PPP2R2D: variants seen among roughly 807,000 people sequenced by gnomAD.
PPP2R2D encodes serine/threonine-protein phosphatase 2A 55 kDa regulatory subunit B delta isoform.
In PPP2R2D, 9 loss-of-function variants were observed where a neutral mutation model predicts 31.1. The observed-to-expected ratio is 0.29, with a 90% confidence interval of 0.17 to 0.51. The LOEUF (loss-of-function observed/expected upper bound fraction) is 0.51, where lower values mean the gene tolerates loss of function less well. Ranked by LOEUF, PPP2R2D falls within the 20% of genes least tolerant of loss-of-function variation. The pLI is 0.98. For missense variants in PPP2R2D, 391 were observed against 465.6 expected (o/e 0.84, Z 1.48); for synonymous variants, 179 against 172.6 (o/e 1.04, Z -0.29).
At chr10:131,921,486 G>A (rs2035987509) in intron 2 of PPP2R2D, among the ~76,000 whole-genome samples, 3 of 152,152 alleles carry the variant, frequency 2.0e-5, no homozygotes, top group Admixed American at 6.5e-5. Context: ...GGCCTGGACC[G>A]GGATGGGGGA....
chr10:131,952,347 TGGG>T (rs112737130), intron 8 of PPP2R2D, among the ~76,000 whole-genome samples: 1 of 27,912 alleles, frequency 3.6e-5, no homozygotes, highest in Non-Finnish European at 5.8e-5. Flanking sequence ...TTTGCATGTG[TGGG>T]GGGGGTTCAC....
intron 3 of PPP2R2D, among the ~76,000 whole-genome samples, chr10:131,936,279 G>A (rs549701495): frequency 4.0e-5 from 6 of 151,782 alleles, no homozygotes; most frequent in Non-Finnish European, 7.4e-5. Flanking sequence ...CTCCCAAGTC[G>A]CTGGGATTAC....
chr10:131,971,038 C>T, the PPP2R2D span: 1 of 1,424,372 alleles, frequency 7.0e-7, no homozygotes, highest in South Asian at 1.2e-5. Flanking sequence ...ACCCAGCTCC[C>T]ACCCGAGCTT....
intron 3 of PPP2R2D, among the ~76,000 whole-genome samples, chr10:131,936,819 C>G (rs2036349601): frequency 6.6e-6 from 1 of 152,222 alleles, no homozygotes; most frequent in Admixed American, 6.5e-5. Context: ...CCCCAGGCAG[C>G]CTTTTTTCTT....
chr10:131,936,162 T>C (rs1314260298), intron 3 of PPP2R2D, among the ~76,000 whole-genome samples: 2 of 152,038 alleles, frequency 1.3e-5, no homozygotes, highest in Non-Finnish European at 2.9e-5. Context: ...GTTTTTGTTT[T>C]TTTGAGATGG....
intron 2 of PPP2R2D, among the ~76,000 whole-genome samples, chr10:131,923,612 A>G (rs952860368): frequency 6.6e-6 from 1 of 152,084 alleles, no homozygotes. Flanking sequence ...TTGTCTGTCT[A>G]ATTTTAGCCA....
chr10:131,956,541 T>A lies in PPP2R2D; in HGVS notation c.*578T>A, dbSNP rs2036803869. On this transcript the variant is annotated 3_prime_UTR_variant, in exon 9 of 9. Transcript: ENST00000455566. ...AAAACAACACACTATAAAGTGTTTT[T>A]AAATCCAAACAGAAGTATTGTCTTT... 3.0e-6 allele frequency: 3 copies of A among 985,484 alleles called. No individual in the cohort carries two copies. In the African/African-American group the frequency reaches 5.2e-5, roughly 17 times the overall value. 61.0% of individuals were successfully genotyped at this position (985,484 alleles called of 1,614,324 possible).
chr10:131,970,866 G>A, the PPP2R2D span: 38 of 1,614,176 alleles, frequency 2.4e-5, no homozygotes, highest in Non-Finnish European at 3.2e-5. This position sits in a 1 kb window ranked among gnomAD's most constrained non-coding sequence, Gnocchi z 4.1. Context: ...ACACTCACTT[G>A]GGGGGAATAT....
intron 2 of PPP2R2D, among the ~76,000 whole-genome samples, chr10:131,901,784 C>G (rs1013686976): frequency 3.6e-4 from 55 of 151,264 alleles, no homozygotes; most frequent in South Asian, 2.1e-4. Flanking sequence ...GTCGGGGCCT[C>G]GGCCCCCACC....
rs183519964 is a variant in PPP2R2D at position 131,947,047 on chromosome 10, G to A, written c.821-483G>A. Among the ~76,000 whole-genome samples the A allele has an allele frequency of 3.9e-5, 6 of 152,320 alleles. No individual in the cohort carries two copies. The highest frequency in any genetic ancestry group is 1.4e-4 in the African/African-American group (6 of 41,564). ...CCTCCAAAAAGCAGGCAGTTTCTTA[G>A]AGGCACAGACCGCTGTGTCTGCATG... is the stretch of plus-strand genomic sequence containing the variant. On this transcript the variant is annotated intron_variant, in intron 7 of 8. Transcript: ENST00000455566. This position sits in a 1 kb window ranked among gnomAD's most constrained non-coding sequence, Gnocchi z 4.3.
chr10:131,956,130 G>C lies in PPP2R2D; in HGVS notation c.*167G>C, dbSNP rs1173542137. ...TCCGCTGGAGGCCCGGTGTGGTTCC[G>C]CCTCGGCGAGGCGCGAGACAGGCGC... On this transcript the variant is annotated 3_prime_UTR_variant, in exon 9 of 9. Transcript: ENST00000455566. 7.8e-5 allele frequency: 98 copies of C among 1,252,368 alleles called. No homozygotes were observed. Among genetic ancestry groups the C allele is most frequent in the Non-Finnish European group, 9.5e-5 (95 of 1,000,434 alleles). The allele number at this position is 1,252,368 out of a possible 1,614,324, so 77.6% of individuals were successfully genotyped here. A position where few individuals can be genotyped will look rare whatever the true frequency, so the allele number is the denominator to read the frequency against.
At chr10:131,955,620 G>A in intron 8 of PPP2R2D, 64 bp from the exon 9 acceptor site, 2 of 1,349,304 alleles carry the variant, frequency 1.5e-6, no homozygotes, top group Middle Eastern at 2.7e-4. Context: ...CAGGGGTGGG[G>A]TCTGAGTCCT....
At chr10:131,917,067 T>G (rs2035813077) in intron 2 of PPP2R2D, among the ~76,000 whole-genome samples, 1 of 141,038 alleles carries the variant, frequency 7.1e-6, no homozygotes, top group Admixed American at 7.1e-5. Context: ...GCGGGTGGAA[T>G]GACACAGTGT....
chr10:131,970,766 C>T, the PPP2R2D span: 2 of 1,614,174 alleles, frequency 1.2e-6, no homozygotes, highest in Non-Finnish European at 1.7e-6. The surrounding 1 kb of genome is among the most constrained non-coding windows in gnomAD (Gnocchi z 4.1). Context: ...CCGTGCGCTT[C>T]GGGTGTTTAA....
Position 131,940,027 on chromosome 10 carries a change from G to A in PPP2R2D, c.199-4G>A, listed in dbSNP as rs984295540. On this transcript the variant is annotated splice_region_variant and splice_polypyrimidine_tract_variant and intron_variant, in intron 3 of 8. Transcript: ENST00000455566. ...ATTAAAACAGCTCTCATGTTTCCTT[G>A]CAGAATAAAAGCCGCCCTCATTCTA... The A allele has an allele frequency of 5.6e-6, 4 of 720,508 alleles. No homozygotes were observed. Among genetic ancestry groups the A allele is most frequent in the Admixed American group, 2.1e-5 (1 of 48,604 alleles). The allele number at this position is 720,508 out of a possible 1,614,324, so 44.6% of individuals were successfully genotyped here.
At chr10:131,920,336 C>A (rs1554894054) in intron 2 of PPP2R2D, among the ~76,000 whole-genome samples, 1 of 140,908 alleles carries the variant, frequency 7.1e-6, no homozygotes, top group Non-Finnish European at 1.5e-5. Flanking sequence ...TGGAGTGACA[C>A]AGTGTAGGGA....
intron 3 of PPP2R2D, among the ~76,000 whole-genome samples, chr10:131,935,972 A>G (rs112754769): frequency 4.5e-4 from 68 of 151,936 alleles, no homozygotes; most frequent in Non-Finnish European, 7.9e-4. Context: ...CTGAGGCAGG[A>G]GAATCGCTTG....
chr10:131,901,032 G>GCGGCGGCGGCGC lies in PPP2R2D; in HGVS notation c.-106_-105insCCGGCGGCGGCG. 1 of 158,928 alleles carries GCGGCGGCGGCGC rather than the reference G, an allele frequency of 6.3e-6. No individual in the cohort carries two copies. Among genetic ancestry groups the GCGGCGGCGGCGC allele is most frequent in the South Asian group, 1.7e-4 (1 of 5,722 alleles). The allele number at this position is 158,928 out of a possible 1,614,324, so 9.8% of individuals were successfully genotyped here. A position where few individuals can be genotyped will look rare whatever the true frequency, so the allele number is the denominator to read the frequency against. ...AAAAAATCCCTCCCCGGCGGCGGCG[G>GCGGCGGCGGCGC]CGGCGGCGGCGGCGCCGGCGGTGGT... On this transcript the variant is annotated 5_prime_UTR_variant, in exon 1 of 9. Coordinates refer to ENST00000455566, the MANE Select transcript of PPP2R2D (RefSeq NM_018461.5).
chr10:131,968,384 A>G, the PPP2R2D span: 50 of 698,628 alleles, frequency 7.2e-5, 1 homozygote, highest in South Asian at 8.5e-4. Flanking sequence ...CTTTTATTTT[A>G]CTAAATTAGG....
Sources: allele counts gnomAD v4.1 joint callset (sites outside exome capture counted in the v4.1 genomes callset), GRCh38; gene constraint gnomAD v4.1.1; non-coding constraint Gnocchi (gnomAD v3.1); transcripts MANE v1.5; gene names NCBI Gene and HGNC (gene_info 2026-07-23, HGNC 2026-07-21).